Variants in DNAH7 observed in about 807,000 individuals in gnomAD.
DNAH7 encodes dynein axonemal heavy chain 7.
A neutral mutation model predicts 444.6 loss-of-function variants in DNAH7; 397 were observed. The observed-to-expected ratio is 0.89, with a 90% confidence interval of 0.82 to 0.97. The LOEUF is 0.97. DNAH7 is among the 50% of genes least tolerant of loss of function. The pLI is 0.00. For missense variants in DNAH7, 4,902 were observed against 4,800.8 expected (o/e 1.02, Z -0.62); for synonymous variants, 1,636 against 1,624.4 (o/e 1.01, Z -0.17).
chr2:195,799,667 T>A (rs1212183485), intron 54 of DNAH7, among the ~76,000 whole-genome samples, 195 bp from the exon 55 acceptor site: 1 of 152,162 alleles, frequency 6.6e-6, no homozygotes, highest in South Asian at 2.1e-4. Flanking sequence ...AATATTTAGA[T>A]AATAAAAGAT....
At chr2:195,882,787 G>C (rs375508347) in intron 35 of DNAH7, among the ~76,000 whole-genome samples, 2 of 151,968 alleles carry the variant, frequency 1.3e-5, no homozygotes, top group Admixed American at 6.6e-5. Context: ...ATCAGAATTC[G>C]GACCCATCCT....
chr2:195,793,412 C>A (rs1412304662), intron 57 of DNAH7, among the ~76,000 whole-genome samples: 1 of 152,106 alleles, frequency 6.6e-6, no homozygotes, highest in Non-Finnish European at 1.5e-5. Context: ...GCTGGAGAGA[C>A]CTTTTGATCT....
At position 195,864,870 on chromosome 2, in the gene DNAH7, G is replaced by T. The variant is rs2125096179; in HGVS notation, c.6785C>A (p.Ala2262Glu). 1 of 1,614,036 alleles carries T rather than the reference G, an allele frequency of 6.2e-7. No homozygotes were observed. The highest frequency in any genetic ancestry group is 8.5e-7 in the Non-Finnish European group (1 of 1,180,030). The change falls in exon 41 of 65, where the codon GCA (alanine) becomes GAA (glutamate). Residue 2262 changes from alanine (A) to glutamate (E), a missense_variant. Transcript: ENST00000312428. ...AAACATTAAGCTGCGTAAGTCATCT[G>T]CTTCCACCATGCCATCATTATCAAA... ...LDFDNDGMVE[A>E]DDLRSLMFCD...
In DNAH7 at chr2:195,860,987, A is replaced by C. The variant is rs1449482595; in HGVS notation, c.7736+730T>G. On this transcript the variant is annotated intron_variant, in intron 42 of 64. Coordinates refer to ENST00000312428, the MANE Select transcript of DNAH7 (RefSeq NM_018897.3). ...AAATACTAGACTTATAAATTATTTA[A>C]GTATCTAGTAATGTTTGATTTGTTA... Among the ~76,000 whole-genome samples the C allele has an allele frequency of 8.5e-5, 13 of 152,214 alleles. No homozygotes were observed. The East Asian group carries it at 2.5e-3, about 29-fold the overall frequency.
chr2:195,831,848 C>T (rs1438823900), intron 48 of DNAH7, among the ~76,000 whole-genome samples: 1 of 152,124 alleles, frequency 6.6e-6, no homozygotes, highest in Non-Finnish European at 1.5e-5. Context: ...GAACGTCCAT[C>T]ACTAACCCTT....
At chr2:195,772,099 G>A (rs1694868207) in intron 60 of DNAH7, among the ~76,000 whole-genome samples, 1 of 152,188 alleles carries the variant, frequency 6.6e-6, no homozygotes, top group South Asian at 2.1e-4. Context: ...GGAGGAATAA[G>A]GGCATGTAAT....
chr2:195,776,849 C>T (rs1391204573), intron 59 of DNAH7, among the ~76,000 whole-genome samples: 1 of 151,878 alleles, frequency 6.6e-6, no homozygotes, highest in Non-Finnish European at 1.5e-5. Context: ...CAAACATCCA[C>T]ACACACACAT....
intron 5 of DNAH7, among the ~76,000 whole-genome samples, chr2:196,045,161 AAGGAGG>A (rs1419962335): frequency 6.9e-6 from 1 of 145,948 alleles, no homozygotes; most frequent in Non-Finnish European, 1.5e-5. Flanking sequence ...GGAGGAGAAG[AAGGAGG>A]AGGAGGAGGA....
intron 40 of DNAH7, among the ~76,000 whole-genome samples, chr2:195,870,597 G>A (rs1700619517): frequency 6.6e-6 from 1 of 152,156 alleles, no homozygotes; most frequent in Admixed American, 6.5e-5. Flanking sequence ...CACCCCCAAG[G>A]TGATAGTATT....
At chr2:195,950,603 C>A (rs1216341732) in intron 19 of DNAH7, among the ~76,000 whole-genome samples, 1 of 151,936 alleles carries the variant, frequency 6.6e-6, no homozygotes, top group African/African-American at 2.4e-5. Flanking sequence ...AATCCCAGCA[C>A]TTTGGGAGGC....
intron 5 of DNAH7, among the ~76,000 whole-genome samples, chr2:196,036,456 C>T (rs904832454): frequency 3.3e-5 from 5 of 152,188 alleles, no homozygotes; most frequent in African/African-American, 1.2e-4. Flanking sequence ...CAGTGTCCTA[C>T]TACCCAAGGA....
chr2:196,023,224 C>T (rs899693553), intron 8 of DNAH7, among the ~76,000 whole-genome samples: 1 of 152,110 alleles, frequency 6.6e-6, no homozygotes, highest in African/African-American at 2.4e-5. Flanking sequence ...CTTCATCCTG[C>T]TCTCTCCATG....
intron 32 of DNAH7, 53 bp downstream of exon 32, chr2:195,888,746 T>C (rs1025148722): frequency 2.8e-5 from 43 of 1,537,766 alleles, no homozygotes; most frequent in Non-Finnish European, 2.6e-5. Context: ...AGCAAATACA[T>C]GCATTTATAA....
At chr2:195,769,542 G>A (rs1694740818) in intron 61 of DNAH7, among the ~76,000 whole-genome samples, 1 of 151,986 alleles carries the variant, frequency 6.6e-6, no homozygotes, top group South Asian at 2.1e-4. Context: ...GCCTTTCCCT[G>A]AGGGATCGTC....
At chr2:195,943,197 T>C (rs1403540349) in intron 19 of DNAH7, among the ~76,000 whole-genome samples, 3 of 152,190 alleles carry the variant, frequency 2.0e-5, no homozygotes, top group Non-Finnish European at 4.4e-5. Flanking sequence ...CTTTGTAAAT[T>C]ACCTGGTCTC....
rs745736298 is a variant in DNAH7 at position 195,771,678 on chromosome 2, ATT to A, written c.11413_11414del (p.Asn3805TyrfsTer16). The A allele has an allele frequency of 3.7e-6, 6 of 1,613,114 alleles. No individual in the cohort carries two copies. The East Asian group carries it at 1.3e-4, about 36-fold the overall frequency. On this transcript the variant is annotated frameshift_variant, in exon 61 of 65. Coordinates refer to ENST00000312428, the MANE Select transcript of DNAH7 (RefSeq NM_018897.3). LOFTEE classifies it high-confidence loss of function. ...ACCTTACCTTGATTGCTTTTTGAATATTTACGCACGAATCTCTTATGGTCTTC... is the reference window on the plus strand; with the variant it reads ...ACCTTACCTTGATTGCTTTTTGAATATACGCACGAATCTCTTATGGTCTTC... ...LLKTIRDSCV[N>X]IQKAIKGLAV...
At chr2:196,020,613 T>G (rs889009526) in intron 8 of DNAH7, among the ~76,000 whole-genome samples, 2 of 66,178 alleles carry the variant, frequency 3.0e-5, no homozygotes, top group Non-Finnish European at 5.9e-5. Flanking sequence ...GGGGCTTTTG[T>G]TTTTTTTTTT....
At chr2:195,817,040 A>G in intron 50 of DNAH7, 77 bp from the exon 51 acceptor site, 1 of 1,087,848 alleles carries the variant, frequency 9.2e-7, no homozygotes, top group African/African-American at 1.6e-5. Context: ...TTTTATAAGA[A>G]ACAAAGAACT....
chr2:195,950,865 A>C (rs980169846), intron 19 of DNAH7, among the ~76,000 whole-genome samples: 3 of 148,710 alleles, frequency 2.0e-5, no homozygotes, highest in African/African-American at 7.4e-5. Flanking sequence ...AAAAAAAAAA[A>C]AAAAAAAAAA....
Sources: gnomAD v4.1 joint callset for allele counts (sites outside exome capture counted in the v4.1 genomes callset) on GRCh38, gnomAD v4.1.1 for gene constraint, MANE v1.5 for transcripts, NCBI Gene and HGNC (gene_info 2026-07-23, HGNC 2026-07-21) for gene names.